Variants in AJAP1 observed in about 807,000 individuals in gnomAD.
The protein encoded by AJAP1 is adherens junction-associated protein 1.
AJAP1 carries 5 observed loss-of-function variants against 35.0 expected under a neutral mutation model. That is an observed-to-expected ratio of 0.14 (90% CI 0.07 to 0.30). The LOEUF (loss-of-function observed/expected upper bound fraction) is 0.30, where lower values mean the gene tolerates loss of function less well. Among genes scored for constraint, AJAP1 ranks in the 10% least tolerant of loss-of-function variants. The pLI is 1.00. For synonymous variants in AJAP1, 284 were observed against 249.3 expected (o/e 1.14, Z -1.31); for missense variants, 586 against 571.0 (o/e 1.03, Z -0.27).
At position 4,675,069 on chromosome 1, in the gene AJAP1, C is replaced by CGGTGGG. The variant is rs563760078; in HGVS notation, c.29+19618_29+19623dup. Reference sequence around the variant, plus strand: ...GGTCAGAGCCATCAGGGCTGGAGAGCGGTGGGGGGGAAACAGAGCAAAACC... The same window carrying CGGTGGG: ...GGTCAGAGCCATCAGGGCTGGAGAGCGGTGGGGGTGGGGGGGAAACAGAGCAAAACC... On this transcript the variant is annotated intron_variant, in intron 1 of 5. Transcript: ENST00000378191. 5.3e-5 allele frequency among the ~76,000 whole-genome samples: 8 copies of CGGTGGG among 152,228 alleles called. No homozygotes were observed. In the South Asian group the frequency reaches 1.7e-3, roughly 32 times the overall value.
chr1:4,688,942 A>G (rs1639669997), intron 1 of AJAP1, among the ~76,000 whole-genome samples: 1 of 152,074 alleles, frequency 6.6e-6, no homozygotes, highest in African/African-American at 2.4e-5. Flanking sequence ...GCATCTGGTG[A>G]GCCACCCTGC....
chr1:4,673,846 G>C (rs775043372), intron 1 of AJAP1, among the ~76,000 whole-genome samples: 3 of 152,006 alleles, frequency 2.0e-5, no homozygotes, highest in Non-Finnish European at 2.9e-5. Flanking sequence ...ATGGGCTCTG[G>C]AGAGGCTTTA....
intron 1 of AJAP1, among the ~76,000 whole-genome samples, chr1:4,686,808 C>G (rs1437294267): frequency 6.6e-6 from 1 of 152,202 alleles, no homozygotes; most frequent in African/African-American, 2.4e-5. Context: ...CCCCCTTCAG[C>G]CTGCAAAAGC....
At chr1:4,740,292 A>G (rs1174478881) in intron 2 of AJAP1, among the ~76,000 whole-genome samples, 1 of 60,078 alleles carries the variant, frequency 1.7e-5, no homozygotes, top group Admixed American at 2.1e-4. Flanking sequence ...GATTCTACTC[A>G]TATGAGGTCC....
At chr1:4,744,083 G>A (rs772367032) in intron 2 of AJAP1, among the ~76,000 whole-genome samples, 4 of 152,198 alleles carry the variant, frequency 2.6e-5, no homozygotes, top group African/African-American at 7.2e-5. Flanking sequence ...CTCCAGGGAC[G>A]TCTGAGTGTG....
intron 1 of AJAP1, among the ~76,000 whole-genome samples, chr1:4,674,479 C>T (rs559467043): frequency 6.6e-6 from 1 of 152,384 alleles, no homozygotes; most frequent in South Asian, 2.1e-4. Context: ...AAGCCTAAAA[C>T]ATTTTCTGTC....
chr1:4,755,741 TG>T (rs1259115069), intron 2 of AJAP1, among the ~76,000 whole-genome samples: 1 of 150,984 alleles, frequency 6.6e-6, no homozygotes, highest in Non-Finnish European at 1.5e-5. Context: ...GATTTCGCAA[TG>T]GGGGAGAGAG....
At chr1:4,658,603 T>G (rs1188528974) in intron 1 of AJAP1, among the ~76,000 whole-genome samples, 7 of 152,234 alleles carry the variant, frequency 4.6e-5, no homozygotes, top group Non-Finnish European at 1.0e-4. Context: ...CAATCATGCT[T>G]GACTAAACTG....
At chr1:4,775,743 T>C (rs1641927936) in intron 5 of AJAP1, among the ~76,000 whole-genome samples, 1 of 152,188 alleles carries the variant, frequency 6.6e-6, no homozygotes, top group Non-Finnish European at 1.5e-5. Context: ...GATTAGAATA[T>C]GGGAACCGAG....
chr1:4,668,752 G>C (rs1453013290), intron 1 of AJAP1, among the ~76,000 whole-genome samples: 1 of 152,188 alleles, frequency 6.6e-6, no homozygotes, highest in Non-Finnish European at 1.5e-5. Context: ...CCCTGCCTGG[G>C]AGACGGGGCA....
intron 3 of AJAP1, 133 bp from the exon 4 acceptor site, chr1:4,772,147 G>A (rs571763666): frequency 8.8e-7 from 1 of 1,136,228 alleles, no homozygotes; most frequent in Admixed American, 2.4e-5. Context: ...GAAGAGGCTG[G>A]GAATTACCGT....
chr1:4,712,099 C>T lies in AJAP1; in HGVS notation c.229C>T (p.Pro77Ser). ...TGGACAGCCAGCGCGGGTCCCGGCC[C>T]CGGTGTGGAGCCCCCGGCCGCCCCG... ...RSGQPARVPAPVWSPRPPRVE... is the reference protein window; with the variant it reads ...RSGQPARVPASVWSPRPPRVE... Residue 77 changes from proline (P) to serine (S), a missense_variant, in exon 2 of 6, where the codon CCG becomes TCG. Physicochemically the swap from Pro to Ser is moderately conservative, Grantham distance 74. Coordinates refer to ENST00000378191, the MANE Select transcript of AJAP1 (RefSeq NM_018836.4). The T allele has an allele frequency of 6.4e-7, 1 of 1,553,036 alleles. No individual in the cohort carries two copies. The highest frequency in any genetic ancestry group is 1.2e-5 in the South Asian group (1 of 82,684).
chr1:4,787,430 A>G lies in AJAP1; in HGVS notation c.*4945A>G. 1.0e-5 allele frequency: 3 copies of G among 293,914 alleles called. No homozygotes were observed. Among genetic ancestry groups the G allele is most frequent in the South Asian group, 8.1e-5 (3 of 37,150 alleles). 18.2% of individuals were successfully genotyped at this position (293,914 alleles called of 1,614,324 possible). On this transcript the variant is annotated 3_prime_UTR_variant, in exon 6 of 6. Coordinates refer to ENST00000378191, the MANE Select transcript of AJAP1 (RefSeq NM_018836.4). ...TCCTGCGACCCATCACCTACTGGAA[A>G]ATTACCACTTGCTGCTTGAGGGTTG...
chr1:4,660,269 A>G (rs962245120), intron 1 of AJAP1, among the ~76,000 whole-genome samples: 1 of 152,244 alleles, frequency 6.6e-6, no homozygotes, highest in East Asian at 1.9e-4. Context: ...ACGTGGTACA[A>G]TACTCATACT....
At chr1:4,735,946 A>G (rs1319727276) in intron 2 of AJAP1, among the ~76,000 whole-genome samples, 4 of 152,178 alleles carry the variant, frequency 2.6e-5, no homozygotes, top group Admixed American at 6.5e-5. Context: ...AGGGGAGCAG[A>G]GCTTAGAGGA....
Position 4,712,097 on chromosome 1 carries a change from C to T in AJAP1, c.227C>T (p.Ala76Val). The T allele has an allele frequency of 2.6e-6, 4 of 1,553,276 alleles. No individual in the cohort carries two copies. Among genetic ancestry groups the T allele is most frequent in the South Asian group, 1.2e-5 (1 of 82,652 alleles). The change falls in exon 2 of 6, where the codon GCC becomes GTC. Residue 76 changes from alanine to valine, a missense_variant. Physicochemically the swap from Ala to Val is moderately conservative, Grantham distance 64. Transcript: ENST00000378191. ...FRSGQPARVP[A>V]PVWSPRPPRV... Reference sequence around the variant, plus strand: ...AGTGGACAGCCAGCGCGGGTCCCGGCCCCGGTGTGGAGCCCCCGGCCGCCC... The same window carrying T: ...AGTGGACAGCCAGCGCGGGTCCCGGTCCCGGTGTGGAGCCCCCGGCCGCCC...
intron 1 of AJAP1, among the ~76,000 whole-genome samples, chr1:4,700,219 AC>A (rs917427361): frequency 1.3e-5 from 2 of 152,102 alleles, no homozygotes; most frequent in African/African-American, 4.8e-5. Context: ...CTTCTTGCCC[AC>A]CACCCACATG....
At chr1:4,665,203 T>A (rs961790130) in intron 1 of AJAP1, among the ~76,000 whole-genome samples, 2 of 152,112 alleles carry the variant, frequency 1.3e-5, no homozygotes, top group Non-Finnish European at 2.9e-5. Flanking sequence ...AGGCAAGGAT[T>A]CTTTAGGGAG....
At chr1:4,699,259 C>T (rs1639933398) in intron 1 of AJAP1, among the ~76,000 whole-genome samples, 1 of 152,180 alleles carries the variant, frequency 6.6e-6, no homozygotes, top group Admixed American at 6.5e-5. Context: ...ACCCTGCCCA[C>T]CTCCACCAAT....
Sources: allele counts gnomAD v4.1 joint callset (sites outside exome capture counted in the v4.1 genomes callset), GRCh38; gene constraint gnomAD v4.1.1; transcripts MANE v1.5; gene names NCBI Gene and HGNC (gene_info 2026-07-23, HGNC 2026-07-21).